Variants in MYO9A observed in about 807,000 individuals in gnomAD.
The protein encoded by MYO9A is unconventional myosin-IXa.
Under a neutral mutation model 293.3 loss-of-function variants are expected in MYO9A, and 103 were observed. That is an observed-to-expected ratio of 0.35 (90% CI 0.30 to 0.41). The LOEUF is 0.41. MYO9A is among the 10% of genes least tolerant of loss of function. The pLI, the probability that MYO9A is intolerant of heterozygous loss-of-function variation, is 1.00. For missense variants in MYO9A, 2,685 were observed against 3,033.0 expected, an observed-to-expected ratio of 0.89 and a Z score of 2.69; for synonymous variants, 1,001 against 1,035.7, an observed-to-expected ratio of 0.97 and a Z score of 0.64.
chr15:71,829,993 T>A, intron 40 of MYO9A, 116 bp downstream of exon 40: 1 of 1,062,340 alleles, frequency 9.4e-7, no homozygotes, highest in South Asian at 1.3e-5. Context: ...TCCTGTATCA[T>A]CTGACACAGT....
intron 1 of MYO9A, among the ~76,000 whole-genome samples, chr15:72,052,187 G>A (rs1270651329): frequency 2.0e-5 from 3 of 152,078 alleles, no homozygotes; most frequent in African/African-American, 7.2e-5. Flanking sequence ...CCCACCCCAG[G>A]GTCTCCTCTG....
chr15:71,864,173 C>T (rs1218945171), intron 32 of MYO9A, among the ~76,000 whole-genome samples: 1 of 152,146 alleles, frequency 6.6e-6, no homozygotes, highest in Non-Finnish European at 1.5e-5. Context: ...GGGCAAAATA[C>T]TGAAGAGACA....
At chr15:72,077,752 A>AAAATATAT (rs2079412621) in intron 1 of MYO9A, among the ~76,000 whole-genome samples, 1 of 72,490 alleles carries the variant, frequency 1.4e-5, no homozygotes, top group African/African-American at 7.8e-5. Flanking sequence ...AAAAAAAAAA[A>AAAATATAT]ATATATATAT....
At position 71,899,060 on chromosome 15, in the gene MYO9A, T is replaced by C. The variant is rs16956379; in HGVS notation, c.3471-28A>G. The C allele has an allele frequency of 3.8e-3, 5,651 of 1,504,496 alleles. 169 individuals are homozygous for C. The Admixed American group carries it at 0.069, about 18-fold the overall frequency. The allele number at this position is 1,504,496 out of a possible 1,614,324, so 93.2% of individuals were successfully genotyped here. A position where few individuals can be genotyped will look rare whatever the true frequency, so the allele number is the denominator to read the frequency against. On this transcript the variant is annotated intron_variant, in intron 24 of 41. Coordinates refer to ENST00000356056, the MANE Select transcript of MYO9A (RefSeq NM_006901.4). ...ATATAAAAACAGACAAAATGGGTTA[T>C]AGAAATATCTTAGTTACCACTGAAA... is the stretch of plus-strand genomic sequence containing the variant.
chr15:71,847,371 A>G (rs1295133455), intron 39 of MYO9A: 1 of 427,388 alleles, frequency 2.3e-6, no homozygotes, highest in Non-Finnish European at 4.9e-6. Flanking sequence ...AACGAGAGAC[A>G]ATAATGTAGA....
chr15:72,062,621 T>G (rs1282362187), intron 1 of MYO9A, among the ~76,000 whole-genome samples: 4 of 152,140 alleles, frequency 2.6e-5, no homozygotes, highest in Admixed American at 2.6e-4. Flanking sequence ...ATTAATGAGC[T>G]TGAAGACAGG....
chr15:71,981,754 A>G (rs1362930098), intron 11 of MYO9A, among the ~76,000 whole-genome samples: 2 of 151,638 alleles, frequency 1.3e-5, no homozygotes, highest in Non-Finnish European at 2.9e-5. Flanking sequence ...CTCCCATGGT[A>G]TATTTGTTTT....
rs952030289 is a variant in MYO9A at position 71,971,422 on chromosome 15, A to C, written c.1845-3297T>G. Among the ~76,000 whole-genome samples the C allele has an allele frequency of 7.9e-5, 12 of 151,904 alleles. No homozygotes were observed. In the East Asian group the frequency reaches 2.1e-3, roughly 27 times the overall value. ...CAACAAAGTTGACTCCTTGTCTCTAAAACAACATTTTAAAATTAGCCAGAC... is the reference window on the plus strand; with the variant it reads ...CAACAAAGTTGACTCCTTGTCTCTACAACAACATTTTAAAATTAGCCAGAC... On this transcript the variant is annotated intron_variant, in intron 12 of 41. Transcript: ENST00000356056.
At chr15:71,989,271 A>C (rs759468609) in intron 11 of MYO9A, among the ~76,000 whole-genome samples, 1 of 152,128 alleles carries the variant, frequency 6.6e-6, no homozygotes, top group African/African-American at 2.4e-5. Flanking sequence ...TGGTCTCTCC[A>C]TACCTAGTTT....
At chr15:72,004,708 C>T (rs568957183) in intron 8 of MYO9A, among the ~76,000 whole-genome samples, 136 of 152,188 alleles carry the variant, frequency 8.9e-4, no homozygotes, top group Non-Finnish European at 1.5e-3. Flanking sequence ...CCACAATTAC[C>T]CACAATTTAT....
intron 13 of MYO9A, among the ~76,000 whole-genome samples, chr15:71,964,159 C>T (rs2075813212): frequency 6.6e-6 from 1 of 151,906 alleles, no homozygotes; most frequent in East Asian, 1.9e-4. Flanking sequence ...TTTATATTAT[C>T]AGTTATTTTC....
chr15:72,083,203 T>C (rs2079607527), intron 1 of MYO9A, among the ~76,000 whole-genome samples: 1 of 152,200 alleles, frequency 6.6e-6, no homozygotes, highest in African/African-American at 2.4e-5. Context: ...CAAAACTCAT[T>C]ACTGACCTGT....
At chr15:71,862,648 A>G (rs370691034) in intron 32 of MYO9A, 37 bp from the exon 33 acceptor site, 255 of 1,396,508 alleles carry the variant, frequency 1.8e-4, no homozygotes, top group Non-Finnish European at 2.2e-4. Flanking sequence ...ATTAAAGCCA[A>G]CACAGTAAAT....
chr15:71,935,485 CTG>C lies in MYO9A; in HGVS notation c.2379-3_2379-2del. 15 of 1,612,460 alleles carry C rather than the reference CTG, an allele frequency of 9.3e-6. No homozygotes were observed. The highest frequency in any genetic ancestry group is 1.3e-5 in the Non-Finnish European group (15 of 1,179,110). ...ATTCCAGGCAATATCAAATGTATCA[CTG>C]TAAAAAATATAATTTGCTTTAGTTA... On this transcript the variant is annotated splice_acceptor_variant and splice_polypyrimidine_tract_variant and intron_variant, in intron 16 of 41. Transcript: ENST00000356056. LOFTEE classifies it high-confidence loss of function.
chr15:71,935,573 G>C, intron 16 of MYO9A, 89 bp from the exon 17 acceptor site: 1 of 1,288,132 alleles, frequency 7.8e-7, no homozygotes, highest in African/African-American at 1.5e-5. Flanking sequence ...AAATACTAAA[G>C]TTAAAATTTA....
chr15:72,046,703 A>G (rs1046377046), intron 1 of MYO9A, 69 bp from the exon 2 acceptor site: 2 of 1,044,506 alleles, frequency 1.9e-6, no homozygotes, highest in East Asian at 2.4e-5. Context: ...AAGAAAGAAA[A>G]GCTTAACAAG....
At position 72,005,522 on chromosome 15, in the gene MYO9A, C is replaced by T. The variant is rs376173433; in HGVS notation, c.1380+2304G>A. Among the ~76,000 whole-genome samples, 4 of 152,296 alleles carry T rather than the reference C, an allele frequency of 2.6e-5. No homozygotes were observed. The East Asian group carries it at 5.8e-4, about 22-fold the overall frequency. Reference sequence around the variant, plus strand: ...ATACCTGACTAAAATGCCATCTGTTCTCTGGCCTTTATGATCTTCAAAATT... The same window carrying T: ...ATACCTGACTAAAATGCCATCTGTTTTCTGGCCTTTATGATCTTCAAAATT... On this transcript the variant is annotated intron_variant, in intron 8 of 41. Transcript: ENST00000356056.
At chr15:72,004,600 A>G (rs1488684835) in intron 8 of MYO9A, among the ~76,000 whole-genome samples, 1 of 152,180 alleles carries the variant, frequency 6.6e-6, no homozygotes, top group Non-Finnish European at 1.5e-5. Flanking sequence ...TATTGTTTCA[A>G]CAGATGTTAA....
intron 10 of MYO9A, among the ~76,000 whole-genome samples, chr15:71,991,736 C>T (rs1367254753): frequency 6.6e-6 from 1 of 152,174 alleles, no homozygotes; most frequent in Non-Finnish European, 1.5e-5. Flanking sequence ...CTGAGTGAAA[C>T]TAGATGTCAG....
Sources: allele counts gnomAD v4.1 joint callset (sites outside exome capture counted in the v4.1 genomes callset), GRCh38; gene constraint gnomAD v4.1.1; transcripts MANE v1.5; gene names NCBI Gene and HGNC (gene_info 2026-07-23, HGNC 2026-07-21).